Variants in PCDHGA6 observed in about 807,000 individuals in gnomAD.
PCDHGA6 encodes protocadherin gamma-A6.
In PCDHGA6, 41 loss-of-function variants were observed where a neutral mutation model predicts 60.6. The observed-to-expected ratio is 0.68, with a 90% CI of 0.53 to 0.88. PCDHGA6 has a LOEUF of 0.88. Ranked by LOEUF, PCDHGA6 falls within the 40% of genes least tolerant of loss-of-function variation. The pLI is 0.00. For missense variants in PCDHGA6, 1,312 were observed against 1,203.0 expected, an observed-to-expected ratio of 1.09 and a Z score of -1.34; for synonymous variants, 594 against 524.4, an observed-to-expected ratio of 1.13 and a Z score of -1.81.
rs777288812 is a variant in PCDHGA6 at position 141,487,236 on chromosome 5, G to A, written c.2425-7571G>A. The A allele has an allele frequency of 1.7e-5, 28 of 1,613,962 alleles. No homozygotes were observed. The highest frequency in any genetic ancestry group is 1.4e-4 in the South Asian group (13 of 91,070). On this transcript the variant is annotated intron_variant, in intron 1 of 3. Coordinates refer to ENST00000517434, the MANE Select transcript of PCDHGA6 (RefSeq NM_018919.3). This position sits in a 1 kb window ranked among gnomAD's most constrained non-coding sequence, Gnocchi z 5.0. ...TCAGCTCCAAGGGAAGGAGAATCTC[G>A]TCTAACCCTCTACTTGGCTGTGTCC... is the stretch of plus-strand genomic sequence containing the variant.
At chr5:141,410,849 C>CTTTTTCT (rs2095432763) in intron 1 of PCDHGA6, 1 of 129,786 alleles carries the variant, frequency 7.7e-6, no homozygotes, top group Non-Finnish European at 1.3e-5. Flanking sequence ...TTGTCTTTGT[C>CTTTTTCT]TTTTTTTTTT....
chr5:141,409,508 A>G, intron 1 of PCDHGA6: 2 of 1,614,022 alleles, frequency 1.2e-6, no homozygotes, highest in Non-Finnish European at 1.7e-6. Context: ...TTCTTCCAGT[A>G]GAAGCATCAC....
intron 1 of PCDHGA6, among the ~76,000 whole-genome samples, chr5:141,435,314 G>C (rs1490871069): frequency 6.6e-6 from 1 of 152,006 alleles, no homozygotes; most frequent in African/African-American, 2.4e-5. Flanking sequence ...AATCATTCAT[G>C]AACTTCCAAA....
chr5:141,388,889 C>A, intron 1 of PCDHGA6: 2 of 1,613,954 alleles, frequency 1.2e-6, no homozygotes, highest in Non-Finnish European at 1.7e-6. Flanking sequence ...AGGTAGAAGT[C>A]ATAGATGAAA....
At chr5:141,428,124 C>G in intron 1 of PCDHGA6, 2 of 1,605,400 alleles carry the variant, frequency 1.2e-6, no homozygotes, top group Non-Finnish European at 1.7e-6. Flanking sequence ...CGAGCCCGGG[C>G]TTTTCAGCCT....
chr5:141,391,359 C>T (rs2092363338), intron 1 of PCDHGA6: 1 of 149,724 alleles, frequency 6.7e-6, no homozygotes, highest in African/African-American at 2.5e-5. Flanking sequence ...GTTACTCAGG[C>T]TGTAGTGCAG....
At chr5:141,378,196 A>T (rs1197830416) in intron 1 of PCDHGA6, 1 of 152,188 alleles carries the variant, frequency 6.6e-6, no homozygotes, top group Non-Finnish European at 1.5e-5. Flanking sequence ...TGCCTACTAC[A>T]GTGTCTTTTG....
rs1255512461 is a variant in PCDHGA6 at position 141,395,116 on chromosome 5, T to A, written c.2424+18609T>A. 1.2e-6 allele frequency: 2 copies of A among 1,614,098 alleles called. No homozygotes were observed. Among genetic ancestry groups the A allele is most frequent in the African/African-American group, 1.3e-5 (1 of 74,932 alleles). Reference sequence around the variant, plus strand: ...ACCGCCGACTCGCGGAAGAGTCACCTGATCTTTCCCCAGCCCAACTACGCA... The same window carrying A: ...ACCGCCGACTCGCGGAAGAGTCACCAGATCTTTCCCCAGCCCAACTACGCA... On this transcript the variant is annotated intron_variant, in intron 1 of 3. Coordinates refer to ENST00000517434, the MANE Select transcript of PCDHGA6 (RefSeq NM_018919.3).
At chr5:141,395,179 A>G in intron 1 of PCDHGA6, 1 of 1,614,164 alleles carries the variant, frequency 6.2e-7, no homozygotes, top group Non-Finnish European at 8.5e-7. Flanking sequence ...GAGAAAAATG[A>G]TTCTTTGTTA....
At chr5:141,415,966 C>A in intron 1 of PCDHGA6, 1 of 405,602 alleles carries the variant, frequency 2.5e-6, no homozygotes, top group East Asian at 5.2e-5. Context: ...AAACTCCAGC[C>A]CCTTAAGCAA....
At chr5:141,399,591 G>A (rs2093843307) in intron 1 of PCDHGA6, 1 of 1,613,970 alleles carries the variant, frequency 6.2e-7, no homozygotes. Flanking sequence ...ACTCTATCAT[G>A]GCCAGCGACC....
chr5:141,508,043 T>A (rs2099865910), intron 3 of PCDHGA6: 1 of 152,252 alleles, frequency 6.6e-6, no homozygotes, highest in Non-Finnish European at 1.5e-5. Context: ...CAGCCAGCTG[T>A]GTTCCAGCTA....
chr5:141,428,156 C>G, intron 1 of PCDHGA6: 2 of 1,579,884 alleles, frequency 1.3e-6, no homozygotes, highest in Non-Finnish European at 1.7e-6. Flanking sequence ...CGGGAACCTG[C>G]TGGTTGCTGT....
rs1771652841 is a variant in PCDHGA6 at position 141,375,612 on chromosome 5, A to AC, written c.1530dup (p.Thr511HisfsTer13). On this transcript the variant is annotated frameshift_variant, in exon 1 of 4. Coordinates refer to ENST00000517434, the MANE Select transcript of PCDHGA6 (RefSeq NM_018919.3). LOFTEE classifies it high-confidence loss of function. ...TCCTCCTACGTGTCCATCAACTCCG[A>AC]CACTGGGATTCTGTACGCCCTGCGC... The AC allele has an allele frequency of 6.2e-7, 1 of 1,614,014 alleles. No homozygotes were observed.
At chr5:141,392,744 CG>C (rs2092583694) in intron 1 of PCDHGA6, 1 of 1,439,038 alleles carries the variant, frequency 6.9e-7, no homozygotes, top group East Asian at 2.5e-5. Context: ...TCCATAGCTG[CG>C]GCAAGAAACT....
intron 1 of PCDHGA6, chr5:141,441,752 C>A (rs1043293959): frequency 5.3e-6 from 2 of 377,970 alleles, no homozygotes; most frequent in Non-Finnish European, 5.3e-6. Flanking sequence ...TCGGCGTCAA[C>A]GTGAGCCTGC....
intron 1 of PCDHGA6, 134 bp from the exon 2 acceptor site, chr5:141,494,673 C>A: frequency 6.5e-7 from 1 of 1,542,992 alleles, no homozygotes; most frequent in South Asian, 1.2e-5. Flanking sequence ...GATGAGTCCA[C>A]CCCTGCCCCC....
At chr5:141,448,748 G>A (rs1476665217) in intron 1 of PCDHGA6, among the ~76,000 whole-genome samples, 1 of 151,980 alleles carries the variant, frequency 6.6e-6, no homozygotes, top group Admixed American at 6.6e-5. Context: ...AGACCATCCT[G>A]GCTAACACGG....
intron 1 of PCDHGA6, chr5:141,393,347 C>A: frequency 6.2e-7 from 1 of 1,613,980 alleles, no homozygotes; most frequent in Non-Finnish European, 8.5e-7. Context: ...ATCACCACTT[C>A]TCCCTGGACG....
Sources: gnomAD v4.1 joint callset for allele counts (sites outside exome capture counted in the v4.1 genomes callset) on GRCh38, gnomAD v4.1.1 for gene constraint, Gnocchi (gnomAD v3.1) non-coding constraint, MANE v1.5 for transcripts, NCBI Gene and HGNC (gene_info 2026-07-23, HGNC 2026-07-21) for gene names.